The following PPP2R1B variants were observed in gnomAD, a reference collection of about 807,000 sequenced individuals.
PPP2R1B encodes protein phosphatase 2 scaffold subunit Abeta.
A neutral mutation model predicts 72.7 loss-of-function variants in PPP2R1B; 58 were observed. The observed-to-expected ratio is 0.80, with a 90% CI of 0.65 to 0.99. The LOEUF (loss-of-function observed/expected upper bound fraction) is 0.99, where lower values mean the gene tolerates loss of function less well. Ranked by LOEUF, PPP2R1B falls within the 50% of genes least tolerant of loss-of-function variation. The pLI is 0.00. For missense variants in PPP2R1B, 695 were observed against 733.6 expected (o/e 0.95, Z 0.61); for synonymous variants, 256 against 264.6 (o/e 0.97, Z 0.32).
At chr11:111,753,349 T>C in intron 9 of PPP2R1B, 94 bp downstream of exon 9, 1 of 1,459,148 alleles carries the variant, frequency 6.9e-7, no homozygotes, top group Admixed American at 2.3e-5. Context: ...TTATCCATTT[T>C]CTTTTTGGGG....
downstream of PPP2R1B, chr11:111,726,904 G>A (rs1333796623): frequency 1.2e-5 from 19 of 1,548,440 alleles, no homozygotes; most frequent in Non-Finnish European, 1.5e-5. Flanking sequence ...AATTTCGTTC[G>A]GCAAAAAGTG....
chr11:111,741,464 T>G lies in PPP2R1B; in HGVS notation c.*132A>C. The G allele has an allele frequency of 6.8e-7, 1 of 1,481,242 alleles. No homozygotes were observed. Among genetic ancestry groups the G allele is most frequent in the Non-Finnish European group, 8.9e-7 (1 of 1,119,124 alleles). The allele number at this position is 1,481,242 out of a possible 1,614,324, so 91.8% of individuals were successfully genotyped here. A position where few individuals can be genotyped will look rare whatever the true frequency, so the allele number is the denominator to read the frequency against. On this transcript the variant is annotated 3_prime_UTR_variant, in exon 15 of 15. Coordinates refer to ENST00000527614, the MANE Select transcript of PPP2R1B (RefSeq NM_002716.5). ...GAAAGAATTAAGTCACTAAATGATT[T>G]CTTCTAAGTTGTTGCCATTTGCTTG...
the PPP2R1B span, among the ~76,000 whole-genome samples, chr11:111,719,098 T>C: frequency 3.9e-4 from 59 of 152,342 alleles, no homozygotes; most frequent in South Asian, 7.5e-3. Flanking sequence ...TATTAGCCTC[T>C]GCTGGAATTT....
At position 111,732,042 on chromosome 11, in the gene PPP2R1B, G is replaced by A. The variant is rs142912320; in HGVS notation, c.1912-4985C>T. Among the ~76,000 whole-genome samples the A allele has an allele frequency of 1.4e-3, 210 of 152,308 alleles. 1 individual carries two copies. Among genetic ancestry groups the A allele is most frequent in the African/African-American group, 4.6e-3 (192 of 41,574 alleles). ...TGTGAGTCGAAGGCTCCAGCAGGGT[G>A]GGGAAGGAGAGCAGCAGGGAGGCCT... On this transcript the variant is annotated intron_variant, in intron 15 of 15. Coordinates refer to the PPP2R1B transcript ENST00000311129.
chr11:111,753,753 G>C (rs980689395), intron 8 of PPP2R1B, among the ~76,000 whole-genome samples, 176 bp from the exon 9 acceptor site: 1 of 151,850 alleles, frequency 6.6e-6, no homozygotes, highest in Non-Finnish European at 1.5e-5. Context: ...GAGTAGCTGG[G>C]TCTACAGACA....
the PPP2R1B span, chr11:111,719,659 T>C: frequency 1.2e-5 from 12 of 991,242 alleles, no homozygotes; most frequent in Non-Finnish European, 1.7e-5. Context: ...AATATGTGCA[T>C]GTTTAAATAT....
In PPP2R1B at chr11:111,739,490, A is replaced by G. The variant is rs1261734962; in HGVS notation, c.*2106T>C. On this transcript the variant is annotated 3_prime_UTR_variant, in exon 15 of 15. Coordinates refer to ENST00000527614, the MANE Select transcript of PPP2R1B (RefSeq NM_002716.5). ...ACAATGAAACCCCTGAGGGGTCACCACAAAAGACAGAGGCCCCGCTGAACC... is the reference window on the plus strand; with the variant it reads ...ACAATGAAACCCCTGAGGGGTCACCGCAAAAGACAGAGGCCCCGCTGAACC... 4 of 985,354 alleles carry G rather than the reference A, an allele frequency of 4.1e-6. No homozygotes were observed. Among genetic ancestry groups the G allele is most frequent in the Admixed American group, 6.1e-5 (1 of 16,268 alleles). 61.0% of individuals were successfully genotyped at this position (985,354 alleles called of 1,614,324 possible).
At chr11:111,716,293 A>G in the PPP2R1B span, among the ~76,000 whole-genome samples, 3 of 152,134 alleles carry the variant, frequency 2.0e-5, no homozygotes, top group African/African-American at 4.8e-5. Context: ...TGAAAAGGAT[A>G]TACATCTGGC....
At chr11:111,708,249 G>C in the PPP2R1B span, among the ~76,000 whole-genome samples, 1 of 152,146 alleles carries the variant, frequency 6.6e-6, no homozygotes, top group Non-Finnish European at 1.5e-5. Flanking sequence ...GGTTATGGTA[G>C]TGCGTGCTTA....
intron 2 of PPP2R1B, 147 bp downstream of exon 2, chr11:111,765,147 C>T: frequency 2.0e-6 from 2 of 982,220 alleles, no homozygotes; most frequent in Non-Finnish European, 1.5e-6. Context: ...TATCTAGCCA[C>T]AACTAACAAT....
chr11:111,761,682 A>G (rs1346501210), intron 3 of PPP2R1B, among the ~76,000 whole-genome samples: 1 of 152,254 alleles, frequency 6.6e-6, no homozygotes, highest in Admixed American at 6.5e-5. Flanking sequence ...GAGACTGGCC[A>G]GGCACGGTGG....
At chr11:111,705,711 T>C in the PPP2R1B span, among the ~76,000 whole-genome samples, 4 of 152,170 alleles carry the variant, frequency 2.6e-5, no homozygotes, top group Non-Finnish European at 5.9e-5. The surrounding 1 kb of genome is among the most constrained non-coding windows in gnomAD (Gnocchi z 4.3). Context: ...AATGCCAAGG[T>C]AAAGAGTTTA....
the PPP2R1B span, among the ~76,000 whole-genome samples, chr11:111,698,673 T>C: frequency 2.0e-5 from 3 of 152,198 alleles, no homozygotes; most frequent in Admixed American, 1.3e-4. Flanking sequence ...ATCGTGCCAT[T>C]GCACTCTAGC....
At chr11:111,722,566 A>G (rs1204545751), downstream of PPP2R1B, 23 of 1,123,164 alleles carry the variant, frequency 2.0e-5, no homozygotes, top group Non-Finnish European at 3.0e-5. The surrounding 1 kb of genome is among the most constrained non-coding windows in gnomAD (Gnocchi z 4.4). Flanking sequence ...GATTCTGTAG[A>G]ATGCAGTTAG....
chr11:111,723,435 CAT>C, downstream of PPP2R1B: 1 of 1,505,276 alleles, frequency 6.6e-7, no homozygotes, highest in Non-Finnish European at 9.0e-7. Context: ...ATTGCATTTA[CAT>C]TAAAATTGCC....
chr11:111,720,363 G>C, the PPP2R1B span: 32 of 1,117,560 alleles, frequency 2.9e-5, no homozygotes, highest in Admixed American at 1.4e-4. Context: ...AAGATGTTTT[G>C]ATTGGAAATT....
At chr11:111,689,939 G>A in the PPP2R1B span, among the ~76,000 whole-genome samples, 2 of 151,128 alleles carry the variant, frequency 1.3e-5, no homozygotes, top group Admixed American at 6.6e-5. Flanking sequence ...AAGACAAAAT[G>A]TTTTTAAGTT....
At chr11:111,764,977 G>T in intron 2 of PPP2R1B, 72 bp from the exon 3 acceptor site, 1 of 1,574,536 alleles carries the variant, frequency 6.4e-7, no homozygotes, top group Admixed American at 1.8e-5. Context: ...ACAAAACTAG[G>T]AACAGATTCA....
chr11:111,749,461 G>A (rs1944822974), intron 10 of PPP2R1B, among the ~76,000 whole-genome samples: 1 of 151,232 alleles, frequency 6.6e-6, no homozygotes, highest in African/African-American at 2.4e-5. Context: ...TAAATTTTTT[G>A]TATAGTAGAG....
Sources: allele counts gnomAD v4.1 joint callset (sites outside exome capture counted in the v4.1 genomes callset), GRCh38; gene constraint gnomAD v4.1.1; non-coding constraint Gnocchi (gnomAD v3.1); transcripts MANE v1.5; gene names NCBI Gene and HGNC (gene_info 2026-07-23, HGNC 2026-07-21).